Variants in PCDH15 observed in about 807,000 individuals in gnomAD.
The protein encoded by PCDH15 is protocadherin-15.
A neutral mutation model predicts 178.5 loss-of-function variants in PCDH15; 129 were observed. The observed-to-expected ratio is 0.72, with a 90% CI of 0.63 to 0.84. The LOEUF (loss-of-function observed/expected upper bound fraction) is 0.84, where lower values mean the gene tolerates loss of function less well. PCDH15 is among the 40% of genes least tolerant of loss of function. The pLI is 0.00. For missense variants in PCDH15, 2,230 were observed against 2,099.9 expected, an observed-to-expected ratio of 1.06 and a Z score of -1.21; for synonymous variants, 800 against 732.0, an observed-to-expected ratio of 1.09 and a Z score of -1.50.
chr10:54,628,144 T>A (rs945232827), intron 2 of PCDH15, among the ~76,000 whole-genome samples: 28 of 152,128 alleles, frequency 1.8e-4, no homozygotes, highest in Non-Finnish European at 3.7e-4. Flanking sequence ...TAGCACTAGA[T>A]ACAGGAACCA....
chr10:54,616,772 G>C (rs1590558222), intron 2 of PCDH15, among the ~76,000 whole-genome samples: 1 of 152,030 alleles, frequency 6.6e-6, no homozygotes, highest in East Asian at 1.9e-4. Flanking sequence ...TTAACTAGGT[G>C]ACATTAATGT....
intron 2 of PCDH15, among the ~76,000 whole-genome samples, chr10:55,083,007 TA>T (rs1439891653): frequency 1.3e-5 from 2 of 151,864 alleles, no homozygotes; most frequent in Non-Finnish European, 2.9e-5. Flanking sequence ...AAACTATTCC[TA>T]AAAATGAAAG....
intron 2 of PCDH15, among the ~76,000 whole-genome samples, chr10:54,994,818 C>T (rs7096888): frequency 0.33 from 49,340 of 148,052 alleles, 9,486 homozygotes; most frequent in African/African-American, 0.54. Flanking sequence ...TTGCTATTTG[C>T]GCTTCTTCTA....
At chr10:54,808,374 T>C (rs182274284) in intron 3 of PCDH15, among the ~76,000 whole-genome samples, 1 of 152,276 alleles carries the variant, frequency 6.6e-6, no homozygotes, top group Admixed American at 6.5e-5. Flanking sequence ...CAAGCCCACA[T>C]AGAGAGGGAA....
intron 2 of PCDH15, among the ~76,000 whole-genome samples, chr10:55,621,239 T>C (rs981533260): frequency 6.6e-6 from 1 of 152,198 alleles, no homozygotes; most frequent in Non-Finnish European, 1.5e-5. Flanking sequence ...GTTTCTAACA[T>C]GTCTATTTGT....
chr10:55,096,591 T>C (rs1193627075), intron 2 of PCDH15, among the ~76,000 whole-genome samples: 1 of 152,070 alleles, frequency 6.6e-6, no homozygotes, highest in East Asian at 1.9e-4. Flanking sequence ...CCAGAAATTG[T>C]TTCTCTTATA....
chr10:55,087,562 AT>A (rs147105254), intron 2 of PCDH15, among the ~76,000 whole-genome samples: 1 of 152,104 alleles, frequency 6.6e-6, no homozygotes, highest in African/African-American at 2.4e-5. Flanking sequence ...AAAACAATGG[AT>A]TTTTTATCCT....
intron 2 of PCDH15, among the ~76,000 whole-genome samples, chr10:54,989,389 G>A (rs1839448597): frequency 6.6e-6 from 1 of 152,142 alleles, no homozygotes; most frequent in Non-Finnish European, 1.5e-5. Flanking sequence ...TGTGTGCCTG[G>A]AAAAACCACA....
At chr10:54,335,907 T>G (rs1280472683) in intron 6 of PCDH15, among the ~76,000 whole-genome samples, 2 of 152,178 alleles carry the variant, frequency 1.3e-5, no homozygotes, top group Non-Finnish European at 2.9e-5. Context: ...GTGGGAATGT[T>G]TGGAACTTCC....
chr10:53,824,987 G>T lies in PCDH15; in HGVS notation c.4367+2406C>A, dbSNP rs923144834. On this transcript the variant is annotated intron_variant, in intron 32 of 37. Coordinates refer to ENST00000644397, the MANE Select transcript of PCDH15 (RefSeq NM_001384140.1). ...GCTCATGCCATCAAAAGGAAATTGG[G>T]TGTGGAAGACAAAACTTTCCTTTTA... 15 of 959,850 alleles carry T rather than the reference G, an allele frequency of 1.6e-5. No homozygotes were observed. In the Admixed American group the frequency reaches 2.6e-4, roughly 17 times the overall value. The allele number at this position is 959,850 out of a possible 1,614,324, so 59.5% of individuals were successfully genotyped here.
At chr10:55,255,887 C>T (rs1041721483) in intron 1 of PCDH15, among the ~76,000 whole-genome samples, 2 of 152,058 alleles carry the variant, frequency 1.3e-5, no homozygotes, top group East Asian at 1.9e-4. Context: ...AATTTTCTTC[C>T]ATTCTTTAGG....
chr10:54,769,160 T>A (rs1948819610), intron 1 of PCDH15, among the ~76,000 whole-genome samples: 2 of 152,062 alleles, frequency 1.3e-5, no homozygotes, highest in Non-Finnish European at 2.9e-5. Flanking sequence ...AATCTGTTGT[T>A]AAACACTAAT....
chr10:54,047,850 G>T (rs72794973), intron 18 of PCDH15, among the ~76,000 whole-genome samples: 28,568 of 151,994 alleles, frequency 0.19, 2,934 homozygotes, highest in Non-Finnish European at 0.23. Context: ...ATAAGTTTGC[G>T]ATTGTAGGTA....
At chr10:55,321,432 G>A (rs1843898265), upstream of PCDH15, among the ~76,000 whole-genome samples, 1 of 152,142 alleles carries the variant, frequency 6.6e-6, no homozygotes, top group South Asian at 2.1e-4. Context: ...TGAGAATATT[G>A]TATATTGAAG....
chr10:55,192,888 A>G (rs1204560537), intron 1 of PCDH15, among the ~76,000 whole-genome samples: 11 of 151,358 alleles, frequency 7.3e-5, no homozygotes, highest in Non-Finnish European at 1.6e-4. Flanking sequence ...TACATATATA[A>G]TCTGTTTATT....
At chr10:54,379,189 G>T (rs920895086) in intron 3 of PCDH15, among the ~76,000 whole-genome samples, 1 of 152,038 alleles carries the variant, frequency 6.6e-6, no homozygotes, top group Non-Finnish European at 1.5e-5. Context: ...CATCCATTTT[G>T]TGTTTCCCTC....
chr10:54,345,268 C>T (rs1248652429), intron 6 of PCDH15, among the ~76,000 whole-genome samples: 1 of 151,898 alleles, frequency 6.6e-6, no homozygotes, highest in Non-Finnish European at 1.5e-5. Flanking sequence ...AGTTCTCAGA[C>T]TCTACTATCC....
chr10:54,996,768 C>G (rs537310803), intron 2 of PCDH15, among the ~76,000 whole-genome samples: 1 of 152,172 alleles, frequency 6.6e-6, no homozygotes, highest in African/African-American at 2.4e-5. Flanking sequence ...TTCTGAGATG[C>G]TGTTTGGCCC....
intron 2 of PCDH15, among the ~76,000 whole-genome samples, chr10:54,989,476 C>A (rs1839450445): frequency 1.3e-5 from 2 of 152,172 alleles, no homozygotes; most frequent in African/African-American, 4.8e-5. Context: ...GCAGAGCTGC[C>A]CAAGTCCATG....
Sources: allele counts gnomAD v4.1 joint callset (sites outside exome capture counted in the v4.1 genomes callset), GRCh38; gene constraint gnomAD v4.1.1; transcripts MANE v1.5; gene names NCBI Gene and HGNC (gene_info 2026-07-23, HGNC 2026-07-21).